BTBD10: variants seen among roughly 807,000 people sequenced by gnomAD.
BTBD10 encodes BTB/POZ domain-containing protein 10.
A neutral mutation model predicts 53.2 loss-of-function variants in BTBD10; 21 were observed. The observed-to-expected ratio is 0.39, with a 90% CI of 0.28 to 0.57. BTBD10 has a LOEUF of 0.57. Among genes scored for constraint, BTBD10 ranks in the 20% least tolerant of loss-of-function variants. The pLI is 0.53. For missense variants in BTBD10, 360 were observed against 594.7 expected (o/e 0.61, Z 4.10); for synonymous variants, 149 against 192.7 (o/e 0.77, Z 1.88).
chr11:13,400,633 G>A (rs976814195), intron 8 of BTBD10, among the ~76,000 whole-genome samples: 9 of 152,230 alleles, frequency 5.9e-5, no homozygotes, highest in South Asian at 2.1e-4. Flanking sequence ...CATTTTCTGC[G>A]TCGCTCACGC....
chr11:13,434,659 T>A (rs550650530), intron 2 of BTBD10, among the ~76,000 whole-genome samples: 2 of 152,306 alleles, frequency 1.3e-5, no homozygotes, highest in South Asian at 4.1e-4. Flanking sequence ...TAATTTACAT[T>A]TTAACAGGAT....
intron 2 of BTBD10, among the ~76,000 whole-genome samples, chr11:13,436,830 G>A (rs1411909866): frequency 6.6e-6 from 1 of 152,122 alleles, no homozygotes; most frequent in Non-Finnish European, 1.5e-5. Context: ...CATCCAGACT[G>A]GAGTGCAGTG....
chr11:13,440,450 T>C (rs904648310), intron 2 of BTBD10, among the ~76,000 whole-genome samples: 1 of 152,216 alleles, frequency 6.6e-6, no homozygotes, highest in Non-Finnish European at 1.5e-5. Flanking sequence ...TTTAGAAAAC[T>C]GGGATACAGC....
intron 2 of BTBD10, among the ~76,000 whole-genome samples, chr11:13,437,844 T>C (rs1161614255): frequency 6.6e-6 from 1 of 152,196 alleles, no homozygotes; most frequent in African/African-American, 2.4e-5. Flanking sequence ...AGCAGTTCTT[T>C]TATTCTCAGA....
At position 13,413,527 on chromosome 11, in the gene BTBD10, T is replaced by C; in HGVS notation, c.808+3A>G. The C allele has an allele frequency of 6.2e-7, 1 of 1,601,840 alleles. No homozygotes were observed. Among genetic ancestry groups the C allele is most frequent in the Non-Finnish European group, 8.5e-7 (1 of 1,174,886 alleles). On this transcript the variant is annotated splice_donor_region_variant and intron_variant, in intron 6 of 8. Transcript: ENST00000278174. The stretch of plus-strand genomic sequence containing the variant: ...CCACTTACACACAAAACATCATACT[T>C]ACTGAGATCTCTACATTTAATAGTG...
At chr11:13,418,082 T>C (rs1209176764) in intron 4 of BTBD10, among the ~76,000 whole-genome samples, 3 of 152,120 alleles carry the variant, frequency 2.0e-5, no homozygotes, top group Non-Finnish European at 4.4e-5. Flanking sequence ...ATGGTACGGT[T>C]GAACTAAGTT....
At chr11:13,436,196 T>C (rs144422510) in intron 2 of BTBD10, among the ~76,000 whole-genome samples, 2 of 152,344 alleles carry the variant, frequency 1.3e-5, no homozygotes, top group African/African-American at 4.8e-5. Context: ...ATTCTAGCCT[T>C]GGAAAGTTCT....
chr11:13,417,066 C>A, intron 5 of BTBD10, 92 bp downstream of exon 5: 2 of 828,362 alleles, frequency 2.4e-6, no homozygotes, highest in Non-Finnish European at 3.8e-6. Flanking sequence ...GGAATAACTC[C>A]AGAGAGATAT....
intron 8 of BTBD10, among the ~76,000 whole-genome samples, chr11:13,398,174 T>C (rs977765322): frequency 1.3e-5 from 2 of 152,132 alleles, no homozygotes; most frequent in African/African-American, 4.8e-5. Context: ...TGTGTGGGAG[T>C]CTAAGTCTCT....
chr11:13,449,389 A>G (rs1950809752), intron 1 of BTBD10, among the ~76,000 whole-genome samples: 1 of 152,184 alleles, frequency 6.6e-6, no homozygotes, highest in African/African-American at 2.4e-5. Context: ...ATCTTAAGAG[A>G]TAAGATTAAA....
intron 8 of BTBD10, among the ~76,000 whole-genome samples, chr11:13,391,160 A>T (rs919199041): frequency 6.6e-6 from 1 of 152,170 alleles, no homozygotes; most frequent in African/African-American, 2.4e-5. Flanking sequence ...AATATTATAC[A>T]AGGCTTTTTT....
At chr11:13,398,786 TC>T (rs1461092395) in intron 8 of BTBD10, among the ~76,000 whole-genome samples, 5 of 152,184 alleles carry the variant, frequency 3.3e-5, no homozygotes, top group Admixed American at 6.5e-5. Context: ...GGATTTTATT[TC>T]TCCTTCACTT....
intron 1 of BTBD10, among the ~76,000 whole-genome samples, chr11:13,446,187 C>T (rs1252531878): frequency 6.6e-6 from 1 of 152,150 alleles, no homozygotes; most frequent in Non-Finnish European, 1.5e-5. Context: ...TGGACTGGAA[C>T]TCAGGTTTCC....
chr11:13,439,786 G>T, intron 2 of BTBD10: 1 of 982,290 alleles, frequency 1.0e-6, no homozygotes, highest in Non-Finnish European at 1.4e-6. Context: ...TGATCATAAT[G>T]AAACAAAGGT....
intron 2 of BTBD10, among the ~76,000 whole-genome samples, chr11:13,436,858 T>C (rs559866410): frequency 3.2e-4 from 49 of 152,286 alleles, no homozygotes; most frequent in African/African-American, 1.1e-3. Flanking sequence ...CTCTGCTCAC[T>C]GCAACCTCTG....
intron 5 of BTBD10, among the ~76,000 whole-genome samples, chr11:13,416,183 C>T (rs1462133679): frequency 6.6e-6 from 1 of 151,652 alleles, no homozygotes; most frequent in Non-Finnish European, 1.5e-5. Flanking sequence ...GAAACCTCAT[C>T]TCTACTAAAA....
intron 7 of BTBD10, chr11:13,405,393 T>C (rs72870935): frequency 0.014 from 4,139 of 298,976 alleles, 102 homozygotes; most frequent in South Asian, 0.079. Context: ...ACCATGTGTA[T>C]ATGGCATGGG....
intron 1 of BTBD10, among the ~76,000 whole-genome samples, chr11:13,460,724 T>G (rs1204279965): frequency 6.6e-6 from 1 of 152,220 alleles, no homozygotes; most frequent in Non-Finnish European, 1.5e-5. Context: ...AATCTCCATC[T>G]GGCATGGAAT....
At chr11:13,393,878 T>A (rs183862507) in intron 8 of BTBD10, among the ~76,000 whole-genome samples, 5 of 152,316 alleles carry the variant, frequency 3.3e-5, no homozygotes, top group Admixed American at 2.0e-4. Context: ...CCCAAAAAAC[T>A]TTAATAAGTA....
Sources: gnomAD v4.1 joint callset for allele counts (sites outside exome capture counted in the v4.1 genomes callset) on GRCh38, gnomAD v4.1.1 for gene constraint, MANE v1.5 for transcripts, NCBI Gene and HGNC (gene_info 2026-07-23, HGNC 2026-07-21) for gene names.